Variants in STK32C observed in about 807,000 individuals in gnomAD.
STK32C encodes serine/threonine kinase 32C, also known as serine/threonine-protein kinase 32C.
Under a neutral mutation model 56.5 loss-of-function variants are expected in STK32C, and 31 were observed. The ratio of observed to expected loss-of-function variants is 0.55; its 90% confidence interval spans 0.41 to 0.74. The LOEUF (loss-of-function observed/expected upper bound fraction) is 0.74. STK32C is among the 30% of genes least tolerant of loss of function. The pLI, the probability that STK32C is intolerant of heterozygous loss-of-function variation, is 0.00. For synonymous variants in STK32C, 309 were observed against 289.4 expected (o/e 1.07, Z -0.69); for missense variants, 544 against 676.9 (o/e 0.80, Z 2.18).
At chr10:132,298,633 G>A (rs1268667850) in intron 1 of STK32C, among the ~76,000 whole-genome samples, 5 of 151,614 alleles carry the variant, frequency 3.3e-5, no homozygotes, top group South Asian at 4.2e-4. Context: ...TGGGGTCACC[G>A]GGGAGTTGAG....
At chr10:132,274,153 G>T (rs1004525800) in intron 1 of STK32C, among the ~76,000 whole-genome samples, 1 of 152,228 alleles carries the variant, frequency 6.6e-6, no homozygotes, top group Non-Finnish European at 1.5e-5. Flanking sequence ...CATTGCTCAG[G>T]ACGGGACCAG....
chr10:132,263,213 G>A (rs1025661182), intron 1 of STK32C, among the ~76,000 whole-genome samples: 3 of 152,180 alleles, frequency 2.0e-5, no homozygotes, highest in African/African-American at 7.2e-5. Flanking sequence ...CGGTGGACTG[G>A]ATAAAGAAAA....
intron 1 of STK32C, among the ~76,000 whole-genome samples, chr10:132,305,140 C>T (rs1017533162): frequency 1.3e-5 from 2 of 152,112 alleles, no homozygotes; most frequent in African/African-American, 4.8e-5. Flanking sequence ...AATTTTTCAC[C>T]GAAGTCAGAG....
At chr10:132,259,045 TG>T (rs144307968) in intron 1 of STK32C, among the ~76,000 whole-genome samples, 3 of 125,806 alleles carry the variant, frequency 2.4e-5, no homozygotes, top group South Asian at 2.9e-4. Flanking sequence ...CACCGGGTAC[TG>T]GGGGCACAGC....
intron 1 of STK32C, among the ~76,000 whole-genome samples, chr10:132,246,978 T>C (rs1035113241): frequency 3.3e-5 from 5 of 152,140 alleles, no homozygotes; most frequent in Non-Finnish European, 7.3e-5. Flanking sequence ...CACCCGCTGG[T>C]TCATGACATT....
intron 11 of STK32C, 63 bp downstream of exon 11, chr10:132,208,971 C>CTG: frequency 1.3e-6 from 2 of 1,540,122 alleles, no homozygotes; most frequent in Non-Finnish European, 1.8e-6. Context: ...CCAAGAAAAC[C>CTG]TTAACCTTAG....
At chr10:132,330,512 C>T (rs117392241) in intron 1 of STK32C, 13,586 of 716,646 alleles carry the variant, frequency 0.019, 221 homozygotes, top group Middle Eastern at 0.027. Flanking sequence ...TGGGTATGTA[C>T]GAAAACTTTT....
Position 132,235,493 on chromosome 10 carries a change from T to TCAAAAAAAAAA in STK32C, c.319-7366_319-7365insTTTTTTTTTTG, listed in dbSNP as rs1565091831. ...CCTGGCAACAGAGCAAGACTCAGCCTTAAAAAAAAAAAAAAAAAAAAGGAA... is the reference window on the plus strand; with the variant it reads ...CCTGGCAACAGAGCAAGACTCAGCCTCAAAAAAAAAATAAAAAAAAAAAAAAAAAAAAGGAA... On this transcript the variant is annotated intron_variant, in intron 2 of 11. Transcript: ENST00000298630. 2.3e-3 allele frequency among the ~76,000 whole-genome samples: 166 copies of TCAAAAAAAAAA among 72,306 alleles called. 28 individuals are homozygous for TCAAAAAAAAAA. Among genetic ancestry groups the TCAAAAAAAAAA allele is most frequent in the South Asian group, 0.013 (28 of 2,088 alleles). The allele number at this position is 72,306 out of a possible 152,430, so 47.4% of individuals were successfully genotyped here.
At chr10:132,237,627 A>G (rs1271462797) in intron 2 of STK32C, among the ~76,000 whole-genome samples, 8 of 152,240 alleles carry the variant, frequency 5.3e-5, no homozygotes, top group African/African-American at 1.7e-4. Context: ...AGGGCGAGGC[A>G]CAGAGGAACC....
At chr10:132,235,801 G>A (rs2063267268) in intron 2 of STK32C, among the ~76,000 whole-genome samples, 1 of 152,178 alleles carries the variant, frequency 6.6e-6, no homozygotes, top group Admixed American at 6.5e-5. Flanking sequence ...CACAGACACT[G>A]GGAGAACACA....
At chr10:132,228,808 C>T (rs771066208) in intron 2 of STK32C, among the ~76,000 whole-genome samples, 8 of 152,252 alleles carry the variant, frequency 5.3e-5, no homozygotes, top group Admixed American at 1.3e-4. Context: ...GACCGACTCC[C>T]GTCTCAACAC....
At chr10:132,309,324 AGGACATGCACCCGCCT>A (rs1268629548), upstream of STK32C, among the ~76,000 whole-genome samples, 100 of 151,938 alleles carry the variant, frequency 6.6e-4, no homozygotes, top group East Asian at 9.5e-3. Flanking sequence ...CCATCTACCT[AGGACATGCACCCGCCT>A]GGACATGCAC....
chr10:132,298,608 G>A (rs1259168401), intron 1 of STK32C, among the ~76,000 whole-genome samples: 1 of 152,090 alleles, frequency 6.6e-6, no homozygotes, highest in African/African-American at 2.4e-5. Context: ...GAGGGAGGGA[G>A]GGGAGCGCCC....
At chr10:132,232,796 C>A (rs574778905) in intron 2 of STK32C, among the ~76,000 whole-genome samples, 1 of 152,060 alleles carries the variant, frequency 6.6e-6, no homozygotes, top group African/African-American at 2.4e-5. Context: ...CAGCGCCACC[C>A]GGAGCCCTGG....
intron 1 of STK32C, among the ~76,000 whole-genome samples, chr10:132,283,433 C>T (rs1295882896): frequency 5.3e-5 from 8 of 152,218 alleles, no homozygotes; most frequent in Non-Finnish European, 5.9e-5. Flanking sequence ...GTGCGACCAG[C>T]GGAGGCAGAG....
At chr10:132,275,549 C>T (rs1365199353) in intron 1 of STK32C, among the ~76,000 whole-genome samples, 1 of 152,208 alleles carries the variant, frequency 6.6e-6, no homozygotes, top group Admixed American at 6.5e-5. Flanking sequence ...GTCTCAGTGC[C>T]CGCTCTTCCT....
intron 1 of STK32C, among the ~76,000 whole-genome samples, chr10:132,300,715 G>C (rs886753489): frequency 1.3e-5 from 2 of 152,210 alleles, no homozygotes; most frequent in Admixed American, 6.5e-5. Context: ...GGGCAGGCAG[G>C]AGACCTGTAA....
chr10:132,256,438 G>A lies in STK32C; in HGVS notation c.263-10483C>T, dbSNP rs374612042. ...CTGAAATTGTCTGGAATCATGTTCC[G>A]GTGTTTAATATCGACATCCTCAGAC... On this transcript the variant is annotated intron_variant, in intron 1 of 11. Coordinates refer to ENST00000298630, the MANE Select transcript of STK32C (RefSeq NM_173575.4). 1.5e-3 allele frequency among the ~76,000 whole-genome samples: 230 copies of A among 152,284 alleles called. 4 individuals are homozygous for A. The South Asian group carries it at 0.045, about 30-fold the overall frequency.
intron 1 of STK32C, among the ~76,000 whole-genome samples, chr10:132,248,229 G>A (rs114237286): frequency 0.021 from 3,180 of 152,374 alleles, 126 homozygotes; most frequent in African/African-American, 0.07. Context: ...AAAGTCAGCT[G>A]TGAACCAGCA....
Sources: gnomAD v4.1 joint callset for allele counts (sites outside exome capture counted in the v4.1 genomes callset) on GRCh38, gnomAD v4.1.1 for gene constraint, MANE v1.5 for transcripts, NCBI Gene and HGNC (gene_info 2026-07-23, HGNC 2026-07-21) for gene names.